Variants in DPP6 observed in about 807,000 individuals in gnomAD.
The protein encoded by DPP6 is dipeptidyl peptidase like 6.
In DPP6, 69 loss-of-function variants were observed where a neutral mutation model predicts 122.6. That is an observed-to-expected ratio of 0.56 (90% CI 0.46 to 0.69). DPP6 has a LOEUF of 0.69. Among genes scored for constraint, DPP6 ranks in the 30% least tolerant of loss-of-function variants. DPP6 has a pLI of 0.00. For synonymous variants in DPP6, 418 were observed against 433.1 expected (o/e 0.97, Z 0.43); for missense variants, 928 against 1,116.9 (o/e 0.83, Z 2.41).
At chr7:154,115,484 G>A (rs1435763919) in intron 1 of DPP6, among the ~76,000 whole-genome samples, 4 of 152,182 alleles carry the variant, frequency 2.6e-5, no homozygotes, top group Admixed American at 6.5e-5. Context: ...TTGCTCTGAG[G>A]TGATAGTGTT....
intron 17 of DPP6, 82 bp from the exon 18 acceptor site, chr7:154,867,913 C>A (rs1009804144): frequency 4.1e-6 from 6 of 1,457,074 alleles, no homozygotes; most frequent in Non-Finnish European, 5.5e-6. Context: ...GCAGCAGTTA[C>A]GCACATGAAA....
chr7:154,333,659 C>G (rs535238535), intron 1 of DPP6, among the ~76,000 whole-genome samples: 48 of 152,260 alleles, frequency 3.2e-4, no homozygotes, highest in African/African-American at 1.0e-3. Context: ...GTAAGATGCA[C>G]TAGGGATGTG....
chr7:154,157,393 G>A (rs1427516471), intron 1 of DPP6, among the ~76,000 whole-genome samples: 2 of 152,218 alleles, frequency 1.3e-5, no homozygotes, highest in African/African-American at 4.8e-5. Context: ...GGAACTCCCT[G>A]AGAATGGGAA....
intron 6 of DPP6, among the ~76,000 whole-genome samples, chr7:154,659,726 C>G (rs767659971): frequency 2.0e-5 from 3 of 152,186 alleles, no homozygotes; most frequent in Non-Finnish European, 4.4e-5. Context: ...GAGGAACATC[C>G]TGGTGTTTTT....
intron 7 of DPP6, among the ~76,000 whole-genome samples, chr7:154,674,282 T>C (rs901618075): frequency 9.9e-5 from 15 of 152,194 alleles, no homozygotes; most frequent in Admixed American, 4.6e-4. Context: ...TGATTAGTTG[T>C]CTGGTTTAGG....
At chr7:154,032,027 A>ATT (rs59221022) in intron 1 of DPP6, among the ~76,000 whole-genome samples, 8,945 of 127,150 alleles carry the variant, frequency 0.07, 564 homozygotes, top group African/African-American at 0.17. Context: ...ACACCCGCCT[A>ATT]TTTTTTTTTT....
At chr7:154,766,612 T>C (rs1795914680) in intron 8 of DPP6, among the ~76,000 whole-genome samples, 1 of 152,240 alleles carries the variant, frequency 6.6e-6, no homozygotes, top group South Asian at 2.1e-4. Context: ...CTTCTAACCG[T>C]TACATTTGGT....
chr7:154,739,377 T>G (rs1842714528), intron 8 of DPP6, among the ~76,000 whole-genome samples: 1 of 151,608 alleles, frequency 6.6e-6, no homozygotes, highest in Non-Finnish European at 1.5e-5. Context: ...AAGATCAGAG[T>G]TGGGTTGAGA....
At chr7:154,550,748 C>CTTTTTTTTTTTTTTTTTTTTTTTTGTTT (rs35197365) in intron 4 of DPP6, among the ~76,000 whole-genome samples, 1 of 126,850 alleles carries the variant, frequency 7.9e-6, no homozygotes, top group Non-Finnish European at 1.7e-5. Flanking sequence ...AATTTTAGTT[C>CTTTTTTTTTTTTTTTTTTTTTTTTGTTT]TTTTTTTTTT....
At chr7:154,346,234 C>G (rs77485991) in intron 1 of DPP6, among the ~76,000 whole-genome samples, 2,692 of 152,314 alleles carry the variant, frequency 0.018, 74 homozygotes, top group African/African-American at 0.06. Context: ...TCTTCACATA[C>G]TGGGAGGAAA....
chr7:153,914,179 T>C (rs1304908987), intron 1 of DPP6, among the ~76,000 whole-genome samples: 1 of 152,200 alleles, frequency 6.6e-6, no homozygotes, highest in Admixed American at 6.5e-5. Context: ...CTGATGATTT[T>C]ATAAGGGCAG....
rs528646636 is a variant in DPP6, at chr7:154,073,883, G to A, written c.243+20820G>A. 2.6e-5 allele frequency among the ~76,000 whole-genome samples: 4 copies of A among 152,316 alleles called. No homozygotes were observed. In the South Asian group the frequency reaches 8.3e-4, roughly 32 times the overall value. ...TGCCTGTAATCCCAGCTACTCGGGA[G>A]GCTGAGGCAGGAGAATTGCTTGAAC... On this transcript the variant is annotated intron_variant, in intron 1 of 25. Coordinates refer to ENST00000377770, the MANE Select transcript of DPP6 (RefSeq NM_130797.4).
chr7:153,868,398 G>T, the DPP6 span, among the ~76,000 whole-genome samples: 3 of 152,126 alleles, frequency 2.0e-5, no homozygotes. Flanking sequence ...ATGTGTCTAG[G>T]AATTTATCCA....
At chr7:154,433,297 G>C (rs1818593655) in intron 1 of DPP6, among the ~76,000 whole-genome samples, 1 of 150,712 alleles carries the variant, frequency 6.6e-6, no homozygotes, top group African/African-American at 2.4e-5. Context: ...GACTACAGGT[G>C]CATGCCACCG....
At chr7:154,656,832 A>C (rs1837294231) in intron 6 of DPP6, among the ~76,000 whole-genome samples, 1 of 128,024 alleles carries the variant, frequency 7.8e-6, no homozygotes, top group Non-Finnish European at 1.6e-5. Flanking sequence ...GTGCCCACAG[A>C]CGGGTGGAGA....
Position 154,073,396 on chromosome 7 carries a change from C to T in DPP6, c.243+20333C>T, listed in dbSNP as rs1803267521. On this transcript the variant is annotated intron_variant, in intron 1 of 25. Transcript: ENST00000377770. ...GGATTTTCCAAGCCTGCGCTTCCTCCTGTCGTCTCCTTTGCTCCTCTCCGT... is the reference window on the plus strand; with the variant it reads ...GGATTTTCCAAGCCTGCGCTTCCTCTTGTCGTCTCCTTTGCTCCTCTCCGT... Among the ~76,000 whole-genome samples the T allele has an allele frequency of 3.3e-5, 5 of 152,366 alleles. No homozygotes were observed. In the South Asian group the frequency reaches 1.0e-3, roughly 32 times the overall value.
intron 1 of DPP6, among the ~76,000 whole-genome samples, chr7:154,206,876 T>C (rs1438998813): frequency 1.3e-5 from 2 of 152,188 alleles, no homozygotes; most frequent in Admixed American, 1.3e-4. Context: ...TTTAAATGCG[T>C]ATGGGGTCAC....
chr7:154,846,183 C>T (rs1801929371), intron 16 of DPP6, among the ~76,000 whole-genome samples: 1 of 149,852 alleles, frequency 6.7e-6, no homozygotes, highest in Admixed American at 6.7e-5. Flanking sequence ...GTAAAATATA[C>T]ATATATAATG....
intron 1 of DPP6, among the ~76,000 whole-genome samples, chr7:153,940,699 CTT>C (rs2129016573): frequency 6.6e-6 from 1 of 152,264 alleles, no homozygotes; most frequent in East Asian, 1.9e-4. Context: ...GAGGTGAAGA[CTT>C]TGACCCATAG....
Sources: gnomAD v4.1 joint callset for allele counts (sites outside exome capture counted in the v4.1 genomes callset) on GRCh38, gnomAD v4.1.1 for gene constraint, MANE v1.5 for transcripts, NCBI Gene and HGNC (gene_info 2026-07-23, HGNC 2026-07-21) for gene names.